ATXN1: variants seen among roughly 807,000 people sequenced by gnomAD.
The protein encoded by ATXN1 is ataxin-1.
Under a neutral mutation model 56.4 loss-of-function variants are expected in ATXN1, and 8 were observed. The ratio of observed to expected loss-of-function variants is 0.14; its 90% CI spans 0.08 to 0.26. The LOEUF is 0.26. Among genes scored for constraint, ATXN1 ranks in the 10% least tolerant of loss-of-function variants. ATXN1 has a pLI of 1.00. For missense variants in ATXN1, 987 were observed against 1,106.5 expected (o/e 0.89, Z 1.53); for synonymous variants, 514 against 494.6 (o/e 1.04, Z -0.52).
chr6:16,422,321 G>C (rs1759053605), intron 6 of ATXN1, among the ~76,000 whole-genome samples: 1 of 152,182 alleles, frequency 6.6e-6, no homozygotes, highest in Admixed American at 6.5e-5. Flanking sequence ...GCTGTGCACA[G>C]TAAGCGCACT....
chr6:16,315,009 A>T (rs1218017126), intron 7 of ATXN1, among the ~76,000 whole-genome samples: 1 of 152,178 alleles, frequency 6.6e-6, no homozygotes, highest in African/African-American at 2.4e-5. Flanking sequence ...AGTGTTAGGA[A>T]CCTTAGAAGA....
intron 2 of ATXN1, among the ~76,000 whole-genome samples, chr6:16,689,117 T>A (rs990125501): frequency 3.3e-5 from 5 of 152,060 alleles, no homozygotes; most frequent in African/African-American, 1.2e-4. Flanking sequence ...AGCAGGAATT[T>A]CCTATCTGGC....
intron 6 of ATXN1, among the ~76,000 whole-genome samples, chr6:16,378,939 T>A (rs980427716): frequency 6.6e-6 from 1 of 152,148 alleles, no homozygotes; most frequent in African/African-American, 2.4e-5. Flanking sequence ...AAATAAGTCA[T>A]TATTCGAAAA....
intron 4 of ATXN1, among the ~76,000 whole-genome samples, chr6:16,566,722 G>A (rs1050478230): frequency 6.6e-6 from 1 of 152,084 alleles, no homozygotes; most frequent in South Asian, 2.1e-4. Flanking sequence ...CGGGCATGGT[G>A]GTGGGTTCCT....
chr6:16,318,483 G>GA (rs1045150005), intron 7 of ATXN1, among the ~76,000 whole-genome samples: 6 of 152,090 alleles, frequency 3.9e-5, no homozygotes, highest in Non-Finnish European at 8.8e-5. Flanking sequence ...TTCTCAGCAT[G>GA]AAAAAAATCA....
intron 6 of ATXN1, among the ~76,000 whole-genome samples, chr6:16,440,223 C>CA (rs1220198961): frequency 2.6e-5 from 4 of 151,568 alleles, no homozygotes; most frequent in African/African-American, 9.7e-5. Context: ...ACCAAAAATA[C>CA]AAAAAATTAG....
chr6:16,532,434 T>C (rs546594696), intron 4 of ATXN1, among the ~76,000 whole-genome samples: 67 of 152,302 alleles, frequency 4.4e-4, no homozygotes, highest in African/African-American at 1.5e-3. Context: ...GGGAACAGGC[T>C]GCCCCATGGA....
At chr6:16,658,146 T>C (rs930578605) in intron 2 of ATXN1, among the ~76,000 whole-genome samples, 12 of 149,358 alleles carry the variant, frequency 8.0e-5, no homozygotes, top group Non-Finnish European at 8.9e-5. Context: ...CTGGGGGAGG[T>C]AGCAGGTCTT....
chr6:16,400,401 G>A (rs924508848), intron 6 of ATXN1, among the ~76,000 whole-genome samples: 2 of 152,096 alleles, frequency 1.3e-5, no homozygotes, highest in Non-Finnish European at 2.9e-5. Flanking sequence ...ATCCTCATTC[G>A]AAAATTCCTT....
chr6:16,330,386 CTTCCTTT>C (rs545300580), intron 6 of ATXN1, among the ~76,000 whole-genome samples: 1,595 of 141,666 alleles, frequency 0.011, 7 homozygotes, highest in Admixed American at 0.018. Context: ...TCCTTCCTTC[CTTCCTTT>C]TTTTTTTTTT....
intron 6 of ATXN1, among the ~76,000 whole-genome samples, chr6:16,358,377 C>T (rs1327020172): frequency 1.3e-5 from 2 of 152,178 alleles, no homozygotes; most frequent in Non-Finnish European, 2.9e-5. Flanking sequence ...CAGCACAATT[C>T]GCAATTGCAG....
intron 6 of ATXN1, among the ~76,000 whole-genome samples, chr6:16,406,706 G>A (rs1321415163): frequency 1.3e-5 from 2 of 152,202 alleles, no homozygotes; most frequent in East Asian, 1.9e-4. Flanking sequence ...GTCATAGCCT[G>A]TTCCTCTTCC....
At chr6:16,559,511 G>A (rs1258279315) in intron 4 of ATXN1, among the ~76,000 whole-genome samples, 1 of 152,192 alleles carries the variant, frequency 6.6e-6, no homozygotes, top group African/African-American at 2.4e-5. Flanking sequence ...ACACTGTTAG[G>A]TGAAAAGAGG....
At chr6:16,380,359 T>G (rs1254723859) in intron 6 of ATXN1, among the ~76,000 whole-genome samples, 2 of 152,210 alleles carry the variant, frequency 1.3e-5, no homozygotes, top group African/African-American at 4.8e-5. Flanking sequence ...CATTCTCTGG[T>G]TCCAGGCCTC....
intron 1 of ATXN1, among the ~76,000 whole-genome samples, chr6:16,759,530 GTTTTTTTTTTTTTT>G (rs1046854905): frequency 6.5e-5 from 3 of 45,924 alleles, no homozygotes; most frequent in Admixed American, 2.4e-4. Context: ...TCTTCCGACT[GTTTTTTTTTTTTTT>G]TTTTTTTTTT....
intron 2 of ATXN1, among the ~76,000 whole-genome samples, chr6:16,700,771 C>T (rs962055312): frequency 1.3e-5 from 2 of 152,002 alleles, no homozygotes; most frequent in East Asian, 1.9e-4. Flanking sequence ...CAGATCAGCC[C>T]GGAGGGTGTA....
intron 3 of ATXN1, among the ~76,000 whole-genome samples, chr6:16,633,579 A>G (rs1355771254): frequency 1.3e-5 from 2 of 152,148 alleles, no homozygotes. Flanking sequence ...GTACTTGCCA[A>G]CAGACACCGC....
intron 2 of ATXN1, among the ~76,000 whole-genome samples, chr6:16,732,102 T>A (rs987693104): frequency 6.6e-6 from 1 of 152,168 alleles, no homozygotes. Flanking sequence ...CAAAGTGTCA[T>A]ATGTAGCTCT....
intron 6 of ATXN1, among the ~76,000 whole-genome samples, chr6:16,460,088 C>T (rs1188307604): frequency 3.3e-5 from 5 of 152,024 alleles, no homozygotes; most frequent in South Asian, 2.1e-4. Flanking sequence ...TATGGATCCC[C>T]GGATACAGCG....
Sources: allele counts gnomAD v4.1 joint callset (sites outside exome capture counted in the v4.1 genomes callset), GRCh38; gene constraint gnomAD v4.1.1; transcripts MANE v1.5; gene names NCBI Gene and HGNC (gene_info 2026-07-23, HGNC 2026-07-21).